The following CYFIP2 variants were observed in gnomAD, a reference collection of about 807,000 sequenced individuals.
CYFIP2 encodes cytoplasmic FMR1 interacting protein 2, also known as cytoplasmic FMR1-interacting protein 2.
CYFIP2 carries 29 observed loss-of-function variants against 158.7 expected under a neutral mutation model. The ratio of observed to expected loss-of-function variants is 0.18; its 90% CI spans 0.14 to 0.25. The LOEUF (loss-of-function observed/expected upper bound fraction) is 0.25. Among genes scored for constraint, CYFIP2 ranks in the 10% least tolerant of loss-of-function variants. The pLI is 1.00. For missense variants in CYFIP2, 852 were observed against 1,639.5 expected (o/e 0.52, Z 8.29); for synonymous variants, 585 against 617.6 (o/e 0.95, Z 0.78).
chr5:157,351,399 T>C (rs1763060648), intron 23 of CYFIP2, among the ~76,000 whole-genome samples: 1 of 152,258 alleles, frequency 6.6e-6, no homozygotes, highest in African/African-American at 2.4e-5. Context: ...GGTTTTATTT[T>C]TTAATGTATA....
chr5:157,297,363 T>C (rs928599637), intron 5 of CYFIP2, among the ~76,000 whole-genome samples: 4 of 152,252 alleles, frequency 2.6e-5, no homozygotes, highest in Non-Finnish European at 5.9e-5. Context: ...GTCACATCCC[T>C]GGCCCTTTCA....
chr5:157,375,454 A>G (rs13186563), intron 26 of CYFIP2, among the ~76,000 whole-genome samples: 24,483 of 152,074 alleles, frequency 0.16, 2,291 homozygotes, highest in Middle Eastern at 0.26. Flanking sequence ...CATGGTCTCC[A>G]CTGGAAACCA....
intron 8 of CYFIP2, 116 bp from the exon 9 acceptor site, chr5:157,307,645 G>GTGTGTGTGTA: frequency 1.6e-6 from 1 of 606,342 alleles, no homozygotes; most frequent in East Asian, 2.8e-5. Flanking sequence ...GGGTGTGTGT[G>GTGTGTGTGTA]TGTGTGTGTG....
At chr5:157,276,586 A>C (rs1756563558) in intron 1 of CYFIP2, among the ~76,000 whole-genome samples, 1 of 152,210 alleles carries the variant, frequency 6.6e-6, no homozygotes, top group Non-Finnish European at 1.5e-5. Context: ...ACATGGACTA[A>C]CTCATTGAGT....
intron 2 of CYFIP2, among the ~76,000 whole-genome samples, chr5:157,285,921 A>T (rs190164183): frequency 7.8e-4 from 119 of 152,306 alleles, no homozygotes; most frequent in South Asian, 1.9e-3. Flanking sequence ...TGCCTAAGAG[A>T]GCAAAGCTTG....
chr5:157,326,151 CTG>C lies in CYFIP2; in HGVS notation c.1983-16_1983-15del, dbSNP rs1761003855. On this transcript the variant is annotated intron_variant, in intron 17 of 30. Coordinates refer to ENST00000620254, the MANE Select transcript of CYFIP2 (RefSeq NM_001037333.3). ...AGGGGGGTTATTAGCAAGCGGCTGG[CTG>C]TGTTTTTCCCTCTTCAGGTATGTCC... The C allele has an allele frequency of 6.3e-7, 1 of 1,587,630 alleles. No individual in the cohort carries two copies. The highest frequency in any genetic ancestry group is 1.3e-5 in the African/African-American group (1 of 74,288).
intron 27 of CYFIP2, among the ~76,000 whole-genome samples, chr5:157,382,897 C>A (rs368273823): frequency 6.6e-6 from 1 of 152,234 alleles, no homozygotes; most frequent in Non-Finnish European, 1.5e-5. Flanking sequence ...TTCTGTCATT[C>A]ATTCAAATTC....
chr5:157,385,681 G>A (rs1393330244), intron 28 of CYFIP2, among the ~76,000 whole-genome samples: 39 of 152,138 alleles, frequency 2.6e-4, no homozygotes, highest in South Asian at 2.1e-4. Flanking sequence ...TACCATCTAT[G>A]TAATGGGATC....
In CYFIP2 at chr5:157,383,342, C is replaced by T. The variant is rs1456995793; in HGVS notation, c.3190C>T (p.Arg1064Trp). The change falls in exon 28 of 31, where the codon CGG becomes TGG. Residue 1064 changes from arginine (R) to tryptophan (W), a missense_variant. Arg to Trp is a moderately radical substitution (Grantham distance 101, BLOSUM62 -3). Coordinates refer to ENST00000620254, the MANE Select transcript of CYFIP2 (RefSeq NM_001037333.3). Reference protein sequence around the residue: ...APLHLVPLIERLGTPQQIAIA... With the variant: ...APLHLVPLIEWLGTPQQIAIA... ...GCTCCACCTGGTCCCTCTGATCGAG[C>T]GGCTGGGGACCCCTCAGGTACCAAT... 6.2e-7 allele frequency: 1 copy of T among 1,613,768 alleles called. No individual in the cohort carries two copies. Among genetic ancestry groups the T allele is most frequent in the Non-Finnish European group, 8.5e-7 (1 of 1,179,800 alleles).
At position 157,393,166 on chromosome 5, in the gene CYFIP2, C is replaced by T. The variant is rs998368856; in HGVS notation, c.*166C>T. On this transcript the variant is annotated 3_prime_UTR_variant, in exon 31 of 31. Coordinates refer to ENST00000620254, the MANE Select transcript of CYFIP2 (RefSeq NM_001037333.3). ...CCCTAGGGCGGGGCCTGTGCATGCT[C>T]TCCCATGACATCTCCATGCTGGTTT... The T allele has an allele frequency of 1.7e-6, 1 of 594,018 alleles. No individual in the cohort carries two copies. Among genetic ancestry groups the T allele is most frequent in the Non-Finnish European group, 2.8e-6 (1 of 356,634 alleles). The allele number at this position is 594,018 out of a possible 1,614,324, so 36.8% of individuals were successfully genotyped here. A position where few individuals can be genotyped will look rare whatever the true frequency, so the allele number is the denominator to read the frequency against.
chr5:157,307,545 T>G (rs943870862), intron 8 of CYFIP2, among the ~76,000 whole-genome samples: 15 of 152,172 alleles, frequency 9.9e-5, no homozygotes, highest in Admixed American at 5.2e-4. Flanking sequence ...GCTGTAGTAA[T>G]ACACTAAATT....
intron 21 of CYFIP2, among the ~76,000 whole-genome samples, chr5:157,335,662 C>T (rs1761800450): frequency 6.6e-6 from 1 of 152,198 alleles, no homozygotes; most frequent in Non-Finnish European, 1.5e-5. Flanking sequence ...GACCTACCCA[C>T]CCACCTAAGT....
chr5:157,357,958 C>T (rs527586359), intron 23 of CYFIP2, among the ~76,000 whole-genome samples: 4 of 152,274 alleles, frequency 2.6e-5, no homozygotes, highest in South Asian at 2.1e-4. Flanking sequence ...TGGAATCAGC[C>T]GTACCCACTT....
intron 23 of CYFIP2, among the ~76,000 whole-genome samples, chr5:157,348,496 C>CT (rs1762845684): frequency 6.6e-6 from 1 of 152,336 alleles, no homozygotes; most frequent in East Asian, 1.9e-4. Context: ...ACTGCAACCT[C>CT]TGCCTCCCGG....
chr5:157,384,260 G>C (rs978538786), intron 28 of CYFIP2: 4 of 456,764 alleles, frequency 8.8e-6, no homozygotes, highest in African/African-American at 2.0e-5. Context: ...AGAGAAATAG[G>C]GGGAGAGCGG....
In CYFIP2 at chr5:157,375,373, C is replaced by T. The variant is rs1044072569; in HGVS notation, c.3040-7217C>T. On this transcript the variant is annotated intron_variant, in intron 26 of 30. Coordinates refer to ENST00000620254, the MANE Select transcript of CYFIP2 (RefSeq NM_001037333.3). ...GTCATTAAGTCTGGAGACTCTTACA[C>T]AGAATGAGGCCAAGGGGAAGGGCAG... Among the ~76,000 whole-genome samples, 38 of 152,312 alleles carry T rather than the reference C, an allele frequency of 2.5e-4. 3 individuals carry two copies. Among genetic ancestry groups the T allele is most frequent in the Admixed American group, 1.7e-3 (26 of 15,298 alleles).
intron 7 of CYFIP2, among the ~76,000 whole-genome samples, chr5:157,303,443 G>A (rs1157725680): frequency 6.6e-6 from 1 of 152,114 alleles, no homozygotes; most frequent in Non-Finnish European, 1.5e-5. Flanking sequence ...TTCCCATTTT[G>A]CCCAACATAA....
chr5:157,368,124 T>C (rs1474876736), intron 26 of CYFIP2, among the ~76,000 whole-genome samples: 1 of 152,200 alleles, frequency 6.6e-6, no homozygotes, highest in Non-Finnish European at 1.5e-5. Flanking sequence ...TTTTCTCATA[T>C]AAAATTAGTA....
chr5:157,342,789 G>T, intron 23 of CYFIP2: 1 of 1,420,976 alleles, frequency 7.0e-7, no homozygotes, highest in Non-Finnish European at 9.5e-7. Flanking sequence ...GTAGTCTATA[G>T]ACACATTTGT....
Sources: gnomAD v4.1 joint callset for allele counts (sites outside exome capture counted in the v4.1 genomes callset) on GRCh38, gnomAD v4.1.1 for gene constraint, MANE v1.5 for transcripts, NCBI Gene and HGNC (gene_info 2026-07-23, HGNC 2026-07-21) for gene names.